Variants in MPP2 observed in about 807,000 individuals in gnomAD.
The protein encoded by MPP2 is MAGUK p55 subfamily member 2.
Under a neutral mutation model 58.5 loss-of-function variants are expected in MPP2, and 42 were observed. That is an observed-to-expected ratio of 0.72 (90% CI 0.56 to 0.93). The LOEUF is 0.93. Among genes scored for constraint, MPP2 ranks in the 40% least tolerant of loss-of-function variants. The pLI is 0.00. For synonymous variants in MPP2, 300 were observed against 307.8 expected, an observed-to-expected ratio of 0.97 and a Z score of 0.26; for missense variants, 632 against 760.4, an observed-to-expected ratio of 0.83 and a Z score of 1.99.
chr17:43,890,469 C>A (rs2047558433), intron 3 of MPP2, among the ~76,000 whole-genome samples: 4 of 152,346 alleles, frequency 2.6e-5, no homozygotes, highest in East Asian at 3.9e-4. Context: ...CTGTAGCAGG[C>A]TGCAAATGCA....
chr17:43,887,550 C>A (rs2047423667), intron 3 of MPP2, among the ~76,000 whole-genome samples: 1 of 151,558 alleles, frequency 6.6e-6, no homozygotes, highest in Admixed American at 6.6e-5. Context: ...ACATAGAGAT[C>A]TCTGATCCGC....
intron 2 of MPP2, among the ~76,000 whole-genome samples, chr17:43,904,213 G>C (rs904687406): frequency 6.6e-6 from 1 of 152,188 alleles, no homozygotes; most frequent in African/African-American, 2.4e-5. Flanking sequence ...CACTGGAGCA[G>C]GTATGGGTCT....
chr17:43,900,621 G>C lies in MPP2; in HGVS notation c.32-2241C>G. 4.8e-6 allele frequency: 7 copies of C among 1,465,954 alleles called. No homozygotes were observed. In the Admixed American group the frequency reaches 8.0e-5, roughly 17 times the overall value. 90.8% of individuals were successfully genotyped at this position (1,465,954 alleles called of 1,614,324 possible). A position where few individuals can be genotyped will look rare whatever the true frequency, so the allele number is the denominator to read the frequency against. On this transcript the variant is annotated intron_variant, in intron 2 of 12. Coordinates refer to ENST00000269095, the MANE Select transcript of MPP2 (RefSeq NM_005374.5). ...GCCGTCTACCGCCTCCCCAGCCAAAGCCTGGCCGGGCTGGGGAAGGCGGGA... is the reference window on the plus strand; with the variant it reads ...GCCGTCTACCGCCTCCCCAGCCAAACCCTGGCCGGGCTGGGGAAGGCGGGA...
At position 43,900,424 on chromosome 17, in the gene MPP2, G is replaced by C. The variant is rs1014415261; in HGVS notation, c.32-2044C>G. The C allele has an allele frequency of 1.0e-5, 16 of 1,541,958 alleles. No individual in the cohort carries two copies. In the African/African-American group the frequency reaches 2.2e-4, roughly 21 times the overall value. On this transcript the variant is annotated intron_variant, in intron 2 of 12. Coordinates refer to ENST00000269095, the MANE Select transcript of MPP2 (RefSeq NM_005374.5). The stretch of plus-strand genomic sequence containing the variant: ...CCCCGACTCTGCTGGAGGAAGGTAG[G>C]CTAAGGGGCCAGCTGCCCCGCCCCC...
chr17:43,895,923 A>C (rs1228716744), intron 3 of MPP2, among the ~76,000 whole-genome samples: 3 of 152,144 alleles, frequency 2.0e-5, no homozygotes, highest in African/African-American at 7.2e-5. Context: ...CCCACTATTA[A>C]ACCTCTGCAA....
At chr17:43,896,925 C>A (rs116791963) in intron 3 of MPP2, among the ~76,000 whole-genome samples, 1 of 152,130 alleles carries the variant, frequency 6.6e-6, no homozygotes, top group Non-Finnish European at 1.5e-5. Flanking sequence ...ACCTCCCCCC[C>A]TCAGGAGAGG....
chr17:43,908,071 A>G, upstream of MPP2: 1 of 714,206 alleles, frequency 1.4e-6, no homozygotes. Context: ...ATTTTGCAAA[A>G]AAGAGGAAAT....
intron 3 of MPP2, among the ~76,000 whole-genome samples, chr17:43,890,365 C>T (rs555783016): frequency 6.6e-6 from 1 of 152,280 alleles, no homozygotes; most frequent in South Asian, 2.1e-4. Flanking sequence ...AGCAGGGGCT[C>T]AAGCTCATGG....
chr17:43,901,596 T>TAC, intron 2 of MPP2: 1 of 985,292 alleles, frequency 1.0e-6, no homozygotes, highest in Middle Eastern at 5.2e-4. Flanking sequence ...ACAGTAGAAT[T>TAC]ACACACCAGG....
At chr17:43,885,294 A>G (rs1308441617) in intron 3 of MPP2, among the ~76,000 whole-genome samples, 2 of 151,990 alleles carry the variant, frequency 1.3e-5, no homozygotes, top group Non-Finnish European at 2.9e-5. Context: ...GTCCAGTGGG[A>G]GCCCCATTCA....
intron 1 of MPP2, chr17:43,905,260 G>A (rs2048245440): frequency 1.3e-5 from 2 of 152,204 alleles, no homozygotes; most frequent in Admixed American, 6.5e-5. Context: ...TAGACTGCAG[G>A]TTCCCTGAGA....
In MPP2 at chr17:43,882,406, CCTT is replaced by C. The variant is rs747376748; in HGVS notation, c.556_558del (p.Lys186del). 2.5e-6 allele frequency: 4 copies of C among 1,611,524 alleles called. No individual in the cohort carries two copies. The highest frequency in any genetic ancestry group is 2.5e-6 in the Non-Finnish European group (3 of 1,179,996). ...CTGCCCACTGGCTGCCCGTTCACCTCCTTGATGATGTCACCCACATGCAGCAGG... is the reference window on the plus strand; with the variant it reads ...CTGCCCACTGGCTGCCCGTTCACCTCGATGATGTCACCCACATGCAGCAGG... On this transcript the variant is annotated inframe_deletion, in exon 6 of 13. Coordinates refer to ENST00000269095, the MANE Select transcript of MPP2 (RefSeq NM_005374.5).
In MPP2 at chr17:43,879,509, A is replaced by G. The variant is rs2047003897; in HGVS notation, c.1354-106T>C. On this transcript the variant is annotated intron_variant, in intron 11 of 12. Transcript: ENST00000269095. This position sits in a 1 kb window ranked among gnomAD's most constrained non-coding sequence, Gnocchi z 4.1. ...GGTTGGGGTGAGCACTTGGGAGTGG[A>G]TGAGAAAAGGGTGCCCGGGGGTCTG... 1.4e-6 allele frequency: 2 copies of G among 1,441,280 alleles called. No homozygotes were observed. The highest frequency in any genetic ancestry group is 1.9e-6 in the Non-Finnish European group (2 of 1,042,896). 89.3% of individuals were successfully genotyped at this position (1,441,280 alleles called of 1,614,324 possible).
intron 3 of MPP2, among the ~76,000 whole-genome samples, chr17:43,887,772 A>T (rs1211230328): frequency 6.7e-6 from 1 of 148,630 alleles, no homozygotes; most frequent in Non-Finnish European, 1.5e-5. Context: ...ATTTTTTAAA[A>T]TTTTTTTAAT....
At position 43,875,758 on chromosome 17, in the gene MPP2, C is replaced by T. The variant is rs1376207263; in HGVS notation, c.*2049G>A. The T allele has an allele frequency of 6.6e-6, 1 of 152,096 alleles. No individual in the cohort carries two copies. The highest frequency in any genetic ancestry group is 2.4e-5 in the African/African-American group (1 of 41,392). 9.4% of individuals were successfully genotyped at this position (152,096 alleles called of 1,614,324 possible). On this transcript the variant is annotated 3_prime_UTR_variant, in exon 13 of 13. Coordinates refer to ENST00000269095, the MANE Select transcript of MPP2 (RefSeq NM_005374.5). Reference sequence around the variant, plus strand: ...GCCCCAGGCCTGCCCCTTGAGCATCCCTAGCAGTGAAGGTGCCATGAAGGC... The same window carrying T: ...GCCCCAGGCCTGCCCCTTGAGCATCTCTAGCAGTGAAGGTGCCATGAAGGC...
At chr17:43,901,520 T>G in intron 2 of MPP2, 1 of 985,486 alleles carries the variant, frequency 1.0e-6, no homozygotes, top group Non-Finnish European at 1.2e-6. Flanking sequence ...ATCAGGGTAC[T>G]GCAGCCTCCA....
chr17:43,887,938 A>G (rs2143631933), intron 3 of MPP2, among the ~76,000 whole-genome samples: 1 of 152,304 alleles, frequency 6.6e-6, no homozygotes, highest in East Asian at 1.9e-4. Context: ...TGTACTCCAA[A>G]ACAATGGAGG....
intron 3 of MPP2, among the ~76,000 whole-genome samples, chr17:43,883,618 G>A (rs571704396): frequency 4.7e-4 from 71 of 152,288 alleles, no homozygotes; most frequent in African/African-American, 1.6e-3. Context: ...TTGCCACAGA[G>A]GGTCATTAGA....
intron 3 of MPP2, among the ~76,000 whole-genome samples, chr17:43,885,972 G>A (rs2047350236): frequency 6.6e-6 from 1 of 151,958 alleles, no homozygotes; most frequent in Non-Finnish European, 1.5e-5. Flanking sequence ...AGCCGGGCAT[G>A]TGGCACATGC....
Sources: allele counts gnomAD v4.1 joint callset (sites outside exome capture counted in the v4.1 genomes callset), GRCh38; gene constraint gnomAD v4.1.1; non-coding constraint Gnocchi (gnomAD v3.1); transcripts MANE v1.5; gene names NCBI Gene and HGNC (gene_info 2026-07-23, HGNC 2026-07-21).